The following NWD2 variants were observed in gnomAD, a reference collection of about 807,000 sequenced individuals.
NWD2 encodes NACHT and WD repeat domain-containing protein 2.
A neutral mutation model predicts 132.7 loss-of-function variants in NWD2; 37 were observed. The observed-to-expected ratio is 0.28, with a 90% CI of 0.21 to 0.37. The LOEUF is 0.37. NWD2 is among the 10% of genes least tolerant of loss of function. The pLI is 1.00. For synonymous variants in NWD2, 705 were observed against 803.0 expected, an observed-to-expected ratio of 0.88 and a Z score of 2.06; for missense variants, 1,592 against 2,122.4, an observed-to-expected ratio of 0.75 and a Z score of 4.91.
chr4:37,358,347 G>A (rs1361033499), intron 3 of NWD2, among the ~76,000 whole-genome samples: 1 of 151,648 alleles, frequency 6.6e-6, no homozygotes, highest in Admixed American at 6.6e-5. Flanking sequence ...AAAATACGTG[G>A]TTTGGGGGGG....
intron 1 of NWD2, among the ~76,000 whole-genome samples, chr4:37,279,880 A>C (rs1718093603): frequency 6.6e-6 from 1 of 152,236 alleles, no homozygotes; most frequent in African/African-American, 2.4e-5. Flanking sequence ...AGAAGAATGA[A>C]TAGAGAAGCC....
At chr4:37,264,595 G>C (rs1176239142) in intron 1 of NWD2, among the ~76,000 whole-genome samples, 1 of 152,008 alleles carries the variant, frequency 6.6e-6, no homozygotes, top group Non-Finnish European at 1.5e-5. Context: ...AAAATTCCCT[G>C]CTTCATAAAA....
chr4:37,250,899 G>T (rs1478227568), intron 1 of NWD2, among the ~76,000 whole-genome samples: 1 of 152,200 alleles, frequency 6.6e-6, no homozygotes, highest in African/African-American at 2.4e-5. Flanking sequence ...AACCTGTATA[G>T]CATGTTATTG....
intron 1 of NWD2, among the ~76,000 whole-genome samples, chr4:37,280,118 A>G (rs1718099604): frequency 2.0e-5 from 3 of 152,220 alleles, no homozygotes; most frequent in Non-Finnish European, 4.4e-5. Flanking sequence ...GAGAGAACAC[A>G]TAATGAGACT....
chr4:37,297,651 G>C lies in NWD2; in HGVS notation c.152-28285G>C, dbSNP rs143937633. Reference sequence around the variant, plus strand: ...CAGCTGTCATGTTCCTCTAGCCATTGTAAATTTAATACAGTTCCTCAGTCT... The same window carrying C: ...CAGCTGTCATGTTCCTCTAGCCATTCTAAATTTAATACAGTTCCTCAGTCT... On this transcript the variant is annotated intron_variant, in intron 1 of 6. Transcript: ENST00000309447. 5.1e-4 allele frequency among the ~76,000 whole-genome samples: 78 copies of C among 152,266 alleles called. No individual in the cohort carries two copies. The East Asian group carries it at 0.013, about 25-fold the overall frequency.
intron 1 of NWD2, among the ~76,000 whole-genome samples, chr4:37,280,579 T>A (rs1718107782): frequency 6.6e-6 from 1 of 152,114 alleles, no homozygotes; most frequent in Non-Finnish European, 1.5e-5. Context: ...CGACATTGAT[T>A]GAAACAACAT....
In NWD2 at chr4:37,446,051, A is replaced by T; in HGVS notation, c.4063A>T (p.Lys1355Ter). Reference protein sequence around the residue: ...FSSGFIEAVFKHEGIVEHCVL... With the variant: ...FSSGFIEAVF ...CAGTGGCTTCATCGAAGCAGTATTCAAGCATGAAGGAATAGTTGAACACTG... is the reference window on the plus strand; with the variant it reads ...CAGTGGCTTCATCGAAGCAGTATTCTAGCATGAAGGAATAGTTGAACACTG... The change falls in exon 7 of 7, where the codon AAG (lysine) becomes TAG (stop). Residue 1355 changes from lysine (K) to a stop codon, truncating the protein, a stop_gained. Transcript: ENST00000309447. LOFTEE classifies it high-confidence loss of function. The surrounding 1 kb of genome is among the most constrained non-coding windows in gnomAD (Gnocchi z 6.7). 2 of 1,551,812 alleles carry T rather than the reference A, an allele frequency of 1.3e-6. No individual in the cohort carries two copies. The highest frequency in any genetic ancestry group is 1.7e-6 in the Non-Finnish European group (2 of 1,147,002).
At chr4:37,259,651 A>T (rs1717589447) in intron 1 of NWD2, among the ~76,000 whole-genome samples, 1 of 152,034 alleles carries the variant, frequency 6.6e-6, no homozygotes, top group Non-Finnish European at 1.5e-5. Context: ...CTGTTACTTT[A>T]CCCCAGCTTG....
At chr4:37,281,735 C>T (rs76514784) in intron 1 of NWD2, among the ~76,000 whole-genome samples, 2,744 of 152,030 alleles carry the variant, frequency 0.018, 82 homozygotes, top group African/African-American at 0.063. Flanking sequence ...TGGAACTTAA[C>T]GTTATTAAGA....
rs557592122 is a variant in NWD2, at chr4:37,389,577, A to G, written c.357+33095A>G. 5.8e-4 allele frequency among the ~76,000 whole-genome samples: 88 copies of G among 152,106 alleles called. 1 individual carries two copies. The highest frequency in any genetic ancestry group is 1.1e-3 in the Non-Finnish European group (74 of 68,016). ...TTTCATGTTAGTCGTTCTGGCGCTC[A>G]GTTTCCTCAGCTGGAAGAGAAATCT... On this transcript the variant is annotated intron_variant, in intron 3 of 6. Coordinates refer to ENST00000309447, the MANE Select transcript of NWD2 (RefSeq NM_001144990.2).
chr4:37,369,685 T>C (rs1401617288), intron 3 of NWD2, among the ~76,000 whole-genome samples: 1 of 152,178 alleles, frequency 6.6e-6, no homozygotes, highest in East Asian at 1.9e-4. Context: ...TTTCTAAATA[T>C]GTGATGTAAT....
intron 1 of NWD2, among the ~76,000 whole-genome samples, chr4:37,312,473 C>T (rs1035553574): frequency 1.3e-5 from 2 of 150,950 alleles, no homozygotes; most frequent in Non-Finnish European, 2.9e-5. Context: ...TTTTATACAT[C>T]GATTTTGTAT....
intron 1 of NWD2, among the ~76,000 whole-genome samples, chr4:37,309,527 T>A (rs1376415740): frequency 6.6e-6 from 1 of 152,006 alleles, no homozygotes; most frequent in Non-Finnish European, 1.5e-5. Flanking sequence ...CTGGACAGGG[T>A]ACATTTTAGC....
chr4:37,252,496 C>G (rs745729219), intron 1 of NWD2, among the ~76,000 whole-genome samples: 1 of 152,184 alleles, frequency 6.6e-6, no homozygotes, highest in Non-Finnish European at 1.5e-5. Flanking sequence ...ATCTACTCAT[C>G]CCAAACCTGA....
intron 3 of NWD2, among the ~76,000 whole-genome samples, chr4:37,362,448 C>T (rs1719999269): frequency 6.6e-6 from 1 of 152,206 alleles, no homozygotes; most frequent in African/African-American, 2.4e-5. Context: ...ACCCAAACAG[C>T]ATGGTGCTGG....
intron 5 of NWD2, among the ~76,000 whole-genome samples, 161 bp from the exon 6 acceptor site, chr4:37,438,640 G>A (rs1712392272): frequency 6.6e-6 from 1 of 152,150 alleles, no homozygotes; most frequent in Non-Finnish European, 1.5e-5. Context: ...GGCTGATTAG[G>A]AAAAGACAAA....
rs1481793246 is a variant in NWD2 at position 37,444,328 on chromosome 4, C to A, written c.2340C>A (p.Pro780=). The A allele has an allele frequency of 6.4e-7, 1 of 1,551,806 alleles. No individual in the cohort carries two copies. Among genetic ancestry groups the A allele is most frequent in the South Asian group, 1.2e-5 (1 of 84,046 alleles). ...GRRKAFCLED[P]YLNGCLDLEN... ...GGAAAGCCTTCTGCCTTGAGGACCC[C>A]TACTTGAATGGCTGCCTTGACTTGG... Residue 780 remains proline (P), a synonymous_variant, in exon 7 of 7, where the codon CCC becomes CCA. Coordinates refer to ENST00000309447, the MANE Select transcript of NWD2 (RefSeq NM_001144990.2). This position sits in a 1 kb window ranked among gnomAD's most constrained non-coding sequence, Gnocchi z 4.8.
chr4:37,394,480 T>C (rs1720739718), intron 3 of NWD2, among the ~76,000 whole-genome samples: 1 of 152,216 alleles, frequency 6.6e-6, no homozygotes. Context: ...AAATAGGCAT[T>C]TAAGTACTTA....
At chr4:37,347,675 T>C (rs571747908) in intron 2 of NWD2, among the ~76,000 whole-genome samples, 200 of 152,346 alleles carry the variant, frequency 1.3e-3, no homozygotes, top group Non-Finnish European at 2.0e-3. Context: ...CAGCTAGGTA[T>C]GTTACAAATT....
Sources: gnomAD v4.1 joint callset for allele counts (sites outside exome capture counted in the v4.1 genomes callset) on GRCh38, gnomAD v4.1.1 for gene constraint, Gnocchi (gnomAD v3.1) non-coding constraint, MANE v1.5 for transcripts, NCBI Gene and HGNC (gene_info 2026-07-23, HGNC 2026-07-21) for gene names.